SH3YL1: variants seen among roughly 807,000 people sequenced by gnomAD.
SH3YL1 encodes the protein SH3 and SYLF domain containing 1.
In SH3YL1, 41 loss-of-function variants were observed where a neutral mutation model predicts 45.8. That is an observed-to-expected ratio of 0.89 (90% CI 0.70 to 1.16). The LOEUF is 1.16. SH3YL1 is among the 50% of genes most tolerant of loss of function. The pLI, the probability that SH3YL1 is intolerant of heterozygous loss-of-function variation, is 0.00. For synonymous variants in SH3YL1, 152 were observed against 151.4 expected, an observed-to-expected ratio of 1.00 and a Z score of -0.03; for missense variants, 389 against 409.6, an observed-to-expected ratio of 0.95 and a Z score of 0.43.
At chr2:251,628 T>C (rs1669075078) in intron 2 of SH3YL1, among the ~76,000 whole-genome samples, 1 of 152,212 alleles carries the variant, frequency 6.6e-6, no homozygotes, top group Non-Finnish European at 1.5e-5. Flanking sequence ...AGTGTGTGTG[T>C]GCACCTCACT....
At chr2:231,435 A>G (rs1668039067) in intron 6 of SH3YL1, among the ~76,000 whole-genome samples, 1 of 152,220 alleles carries the variant, frequency 6.6e-6, no homozygotes, top group Non-Finnish European at 1.5e-5. Flanking sequence ...TTATTAATAT[A>G]AAAAGCACAT....
At chr2:221,105 T>C (rs764879839) in intron 9 of SH3YL1, among the ~76,000 whole-genome samples, 1 of 152,190 alleles carries the variant, frequency 6.6e-6, no homozygotes, top group Non-Finnish European at 1.5e-5. Flanking sequence ...CATCACAGAA[T>C]TTGAAACTGA....
intron 4 of SH3YL1, chr2:241,212 AT>A (rs377186558): frequency 6.6e-6 from 1 of 152,186 alleles, no homozygotes; most frequent in African/African-American, 2.4e-5. Flanking sequence ...TGATAAAAAC[AT>A]AAAATTATAT....
Position 218,586 on chromosome 2 carries a change from A to G in SH3YL1, c.*225T>C. The G allele has an allele frequency of 2.1e-6, 1 of 472,100 alleles. No individual in the cohort carries two copies. Among genetic ancestry groups the G allele is most frequent in the Non-Finnish European group, 3.7e-6 (1 of 270,644 alleles). 29.2% of individuals were successfully genotyped at this position (472,100 alleles called of 1,614,324 possible). On this transcript the variant is annotated 3_prime_UTR_variant, in exon 10 of 10. Transcript: ENST00000356150. ...AGAGAACTATGAGCGTATAAACTGT[A>G]TGATATTCTATGACACAGTAAGTGT...
intron 4 of SH3YL1, among the ~76,000 whole-genome samples, chr2:245,070 G>A (rs932182461): frequency 3.3e-5 from 5 of 152,134 alleles, no homozygotes; most frequent in Non-Finnish European, 5.9e-5. Flanking sequence ...GACAGCAGGC[G>A]GGAGTGCTCT....
At chr2:263,914 C>T (rs906726009) in intron 1 of SH3YL1, 70 bp downstream of exon 1, 3 of 1,346,570 alleles carry the variant, frequency 2.2e-6, no homozygotes, top group African/African-American at 1.5e-5. Flanking sequence ...TCCCGTCCTC[C>T]TCCTCCCACC....
At chr2:223,575 T>C (rs1449259160) in intron 9 of SH3YL1, among the ~76,000 whole-genome samples, 2 of 152,238 alleles carry the variant, frequency 1.3e-5, no homozygotes, top group Non-Finnish European at 1.5e-5. Flanking sequence ...TCAACATTTA[T>C]ACCTTAACCA....
At chr2:221,314 T>A (rs925497340) in intron 9 of SH3YL1, among the ~76,000 whole-genome samples, 1 of 152,174 alleles carries the variant, frequency 6.6e-6, no homozygotes, top group African/African-American at 2.4e-5. Flanking sequence ...TTCCAGACTG[T>A]ACAAATAACA....
In SH3YL1 at chr2:230,887, T is replaced by C. The variant is rs985482497; in HGVS notation, c.702+136A>G. 5.0e-6 allele frequency: 4 copies of C among 796,190 alleles called. No homozygotes were observed. The Admixed American group carries it at 8.5e-5, about 17-fold the overall frequency. 49.3% of individuals were successfully genotyped at this position (796,190 alleles called of 1,614,324 possible). A position where few individuals can be genotyped will look rare whatever the true frequency, so the allele number is the denominator to read the frequency against. On this transcript the variant is annotated intron_variant, in intron 7 of 9. Coordinates refer to ENST00000356150, the MANE Select transcript of SH3YL1 (RefSeq NM_015677.4). ...GAGGAAATGTCAAGGTAGCATGACC[T>C]TTTCACAAGAATGTGAAGTCAGTGA...
chr2:264,595 A>ACCC (rs1292913308), upstream of SH3YL1: 1 of 26,164 alleles, frequency 3.8e-5, no homozygotes, highest in African/African-American at 1.3e-4. Flanking sequence ...CCTCCAGGTG[A>ACCC]CTCCCCCCCG....
chr2:218,767 AAATAATTTT>A lies in SH3YL1; in HGVS notation c.*35_*43del. 3.4e-6 allele frequency: 5 copies of A among 1,480,438 alleles called. No individual in the cohort carries two copies. The highest frequency in any genetic ancestry group is 4.0e-5 in the Admixed American group (2 of 49,812). 91.7% of individuals were successfully genotyped at this position (1,480,438 alleles called of 1,614,324 possible). A position where few individuals can be genotyped will look rare whatever the true frequency, so the allele number is the denominator to read the frequency against. On this transcript the variant is annotated 3_prime_UTR_variant, in exon 10 of 10. Transcript: ENST00000356150. ...TAACTAGTAAATCCTGTCAGTGTAG[AAATAATTTT>A]TTTGTAATTCTCAAAGAAGAAAATA...
At chr2:252,883 G>A in intron 2 of SH3YL1, 122 bp downstream of exon 2, 1 of 619,888 alleles carries the variant, frequency 1.6e-6, no homozygotes, top group Non-Finnish European at 2.8e-6. Context: ...GGAACAAAAG[G>A]TGGCTGAACT....
At chr2:258,417 A>G (rs974887587) in intron 1 of SH3YL1, among the ~76,000 whole-genome samples, 1 of 152,186 alleles carries the variant, frequency 6.6e-6, no homozygotes, top group Non-Finnish European at 1.5e-5. Flanking sequence ...TGTGTAAAAT[A>G]GGTGTTTTAA....
intron 4 of SH3YL1, among the ~76,000 whole-genome samples, 169 bp downstream of exon 4, chr2:247,369 C>G (rs1482628564): frequency 1.3e-5 from 2 of 152,120 alleles, no homozygotes; most frequent in South Asian, 4.1e-4. Context: ...TAAATGGGAA[C>G]CATCAGATAG....
intron 1 of SH3YL1, among the ~76,000 whole-genome samples, chr2:253,586 C>A (rs748787617): frequency 2.0e-5 from 3 of 152,188 alleles, no homozygotes; most frequent in Non-Finnish European, 4.4e-5. Flanking sequence ...CCGGGAATTG[C>A]CCACCCCTTT....
chr2:237,849 A>G (rs1558241406), intron 4 of SH3YL1, among the ~76,000 whole-genome samples: 1 of 152,232 alleles, frequency 6.6e-6, no homozygotes, highest in Non-Finnish European at 1.5e-5. Flanking sequence ...ATAAAACTGA[A>G]TAACTCAGAT....
intron 4 of SH3YL1, among the ~76,000 whole-genome samples, chr2:243,896 G>C (rs1282714214): frequency 1.3e-5 from 2 of 152,180 alleles, no homozygotes; most frequent in East Asian, 1.9e-4. Context: ...TTATTCAGAA[G>C]AATGTTACAG....
intron 9 of SH3YL1, among the ~76,000 whole-genome samples, chr2:221,403 A>G (rs552561008): frequency 6.6e-6 from 1 of 152,298 alleles, no homozygotes; most frequent in East Asian, 1.9e-4. Flanking sequence ...TTTTATGAGG[A>G]ATAATTAGAG....
chr2:233,487 T>G (rs1015615916), intron 5 of SH3YL1, among the ~76,000 whole-genome samples: 1 of 152,220 alleles, frequency 6.6e-6, no homozygotes, highest in Admixed American at 6.5e-5. Context: ...AAGAATACAG[T>G]GCAGCATGTG....
Sources: gnomAD v4.1 joint callset for allele counts (sites outside exome capture counted in the v4.1 genomes callset) on GRCh38, gnomAD v4.1.1 for gene constraint, MANE v1.5 for transcripts, NCBI Gene and HGNC (gene_info 2026-07-23, HGNC 2026-07-21) for gene names.